Variants in SEMA3C observed in about 807,000 individuals in gnomAD.
SEMA3C encodes the protein semaphorin 3C, also known as semaphorin-3C.
SEMA3C carries 47 observed loss-of-function variants against 89.4 expected under a neutral mutation model. The observed-to-expected ratio is 0.53, with a 90% confidence interval of 0.42 to 0.67. SEMA3C has a LOEUF of 0.67. Ranked by LOEUF, SEMA3C falls within the 30% of genes least tolerant of loss-of-function variation. SEMA3C has a pLI of 0.00. For missense variants in SEMA3C, 839 were observed against 929.1 expected (o/e 0.90, Z 1.26); for synonymous variants, 310 against 320.2 (o/e 0.97, Z 0.34).
At chr7:80,754,770 G>A (rs924578505) in intron 15 of SEMA3C, among the ~76,000 whole-genome samples, 1 of 151,252 alleles carries the variant, frequency 6.6e-6, no homozygotes, top group African/African-American at 2.4e-5. Flanking sequence ...CAAGATAGCT[G>A]TTTGTTGTTG....
chr7:80,817,402 T>C (rs1583906412), intron 5 of SEMA3C, among the ~76,000 whole-genome samples: 2 of 152,176 alleles, frequency 1.3e-5, no homozygotes, highest in African/African-American at 2.4e-5. Context: ...ATTTAAAAAC[T>C]GGACTTTCTA....
At chr7:80,815,994 G>C (rs1789598246) in intron 5 of SEMA3C, 1 of 152,088 alleles carries the variant, frequency 6.6e-6, no homozygotes, top group African/African-American at 2.4e-5. Context: ...TGATTCACTT[G>C]TATTGCTTTA....
chr7:80,805,688 G>A lies in SEMA3C; in HGVS notation c.609C>T (p.Thr203=). 1 of 1,611,230 alleles carries A rather than the reference G, an allele frequency of 6.2e-7. No homozygotes were observed. Among genetic ancestry groups the A allele is most frequent in the Non-Finnish European group, 8.5e-7 (1 of 1,178,216 alleles). Residue 203 remains threonine, a synonymous_variant, in exon 7 of 18, where the codon ACC becomes ACT. Transcript: ENST00000265361. The part of the protein sequence containing the change: ...GTDAAIFRSL[T]KRNAVRTDQH... Reference sequence around the variant, plus strand: ...GATCAGTTCTGACCGCATTCCTCTTGGTTAAACTTCGAAAAATAGCAGCAT... The same window carrying A: ...GATCAGTTCTGACCGCATTCCTCTTAGTTAAACTTCGAAAAATAGCAGCAT...
At chr7:80,787,116 A>T (rs1364784907) in intron 12 of SEMA3C, among the ~76,000 whole-genome samples, 2 of 152,128 alleles carry the variant, frequency 1.3e-5, no homozygotes, top group African/African-American at 2.4e-5. Context: ...CCATAAGGCC[A>T]GGCACAGAGG....
chr7:80,898,037 A>C (rs573214878), intron 2 of SEMA3C, among the ~76,000 whole-genome samples: 1 of 152,242 alleles, frequency 6.6e-6, no homozygotes, highest in South Asian at 2.1e-4. Flanking sequence ...TCAATTCCAG[A>C]TTCTTTTTTC....
At position 80,871,306 on chromosome 7, in the gene SEMA3C, T is replaced by C. The variant is rs1791052451; in HGVS notation, c.104-42561A>G. Among the ~76,000 whole-genome samples the C allele has an allele frequency of 2.0e-5, 3 of 152,212 alleles. 1 individual carries two copies. In the South Asian group the frequency reaches 6.2e-4, roughly 31 times the overall value. ...ACAAAATAATCTTTCTAATACACAA[T>C]TTTAATCCTGTTACTTCCTTGCCTA... On this transcript the variant is annotated intron_variant, in intron 2 of 17. Transcript: ENST00000265361.
intron 12 of SEMA3C, among the ~76,000 whole-genome samples, chr7:80,774,615 G>A (rs972776067): frequency 2.0e-5 from 3 of 151,952 alleles, no homozygotes; most frequent in Non-Finnish European, 4.4e-5. Context: ...TAAAGTATTG[G>A]AGTTGAAAGA....
At chr7:80,749,148 G>T (rs189090401) in intron 16 of SEMA3C, 120 bp from the exon 17 acceptor site, 5 of 1,034,330 alleles carry the variant, frequency 4.8e-6, no homozygotes, top group Non-Finnish European at 6.5e-6. Context: ...AACAACTATC[G>T]CAGCCAGCAA....
chr7:80,799,441 A>T (rs1485032461), intron 10 of SEMA3C, among the ~76,000 whole-genome samples: 1 of 152,060 alleles, frequency 6.6e-6, no homozygotes, highest in Admixed American at 6.5e-5. Context: ...AGCAAGATTA[A>T]AAAAAAGATT....
In SEMA3C at chr7:80,859,093, G is replaced by A. The variant is rs374524264; in HGVS notation, c.104-30348C>T. Among the ~76,000 whole-genome samples, 49 of 151,198 alleles carry A rather than the reference G, an allele frequency of 3.2e-4. No individual in the cohort carries two copies. The Middle Eastern group carries it at 0.014, about 42-fold the overall frequency. ...GGCATTCATCATACCTTAGTTCTTAGACCATAAATCCAAAAAAAAATAAAG... is the reference window on the plus strand; with the variant it reads ...GGCATTCATCATACCTTAGTTCTTAAACCATAAATCCAAAAAAAAATAAAG... On this transcript the variant is annotated intron_variant, in intron 2 of 17. Transcript: ENST00000265361.
At chr7:80,919,109 G>GCGGCGCGCGGCTCCGGCTGCCC (rs1177458198), upstream of SEMA3C, 14 of 984,804 alleles carry the variant, frequency 1.4e-5, no homozygotes, top group African/African-American at 1.7e-5. Flanking sequence ...TTACAGCGCC[G>GCGGCGCGCGGCTCCGGCTGCCC]CGGCGCGCGG....
chr7:80,894,595 T>A (rs1360650291), intron 2 of SEMA3C, among the ~76,000 whole-genome samples: 1 of 152,214 alleles, frequency 6.6e-6, no homozygotes, highest in Non-Finnish European at 1.5e-5. Flanking sequence ...CGACTGACTA[T>A]GACTACACAT....
At chr7:80,763,666 T>A (rs185311915) in intron 13 of SEMA3C, among the ~76,000 whole-genome samples, 91 of 152,338 alleles carry the variant, frequency 6.0e-4, no homozygotes, top group Non-Finnish European at 1.0e-3. Context: ...CATTTCCTGA[T>A]AATCAAAAGG....
In SEMA3C at chr7:80,748,899, T is replaced by A. The variant is rs752727055; in HGVS notation, c.1841A>T (p.Glu614Val). 1 of 1,610,466 alleles carries A rather than the reference T, an allele frequency of 6.2e-7. No homozygotes were observed. Among genetic ancestry groups the A allele is most frequent in the South Asian group, 1.1e-5 (1 of 90,418 alleles). Residue 614 changes from glutamate to valine, a missense_variant and splice_region_variant, in exon 17 of 18, where the codon GAG becomes GTG. Physicochemically the swap from Glu to Val is moderately radical, Grantham distance 121 (BLOSUM62 -2). Coordinates refer to ENST00000265361, the MANE Select transcript of SEMA3C (RefSeq NM_006379.5). Reference protein sequence around the residue: ...LLQKDKDRRKEVKLNERIIAT... With the variant: ...LLQKDKDRRKVVKLNERIIAT... ...TTGCTGCTGTGCTGCTTTACTCACC[T>A]CTTTCCTCCTGTCTTTGTCTTTCTG...
intron 2 of SEMA3C, among the ~76,000 whole-genome samples, chr7:80,880,780 C>T (rs890888010): frequency 1.3e-5 from 2 of 152,014 alleles, no homozygotes; most frequent in African/African-American, 4.8e-5. Flanking sequence ...CAAAAATTAG[C>T]CGGGCGTGCT....
chr7:80,893,499 C>A (rs1482136180), intron 2 of SEMA3C, among the ~76,000 whole-genome samples: 1 of 152,036 alleles, frequency 6.6e-6, no homozygotes, highest in Non-Finnish European at 1.5e-5. Flanking sequence ...CTAATAATAT[C>A]ATCTGTTATA....
chr7:80,914,532 T>C lies in SEMA3C; in HGVS notation c.103+2147A>G, dbSNP rs1055781098. On this transcript the variant is annotated intron_variant, in intron 2 of 17. Coordinates refer to ENST00000265361, the MANE Select transcript of SEMA3C (RefSeq NM_006379.5). ...TTCATTGTAGGAATGTTTAAAATTA[T>C]TGAGTTACCAATCGTGCAATTTTAT... is the stretch of plus-strand genomic sequence containing the variant. Among the ~76,000 whole-genome samples, 36 of 152,284 alleles carry C rather than the reference T, an allele frequency of 2.4e-4. 1 individual carries two copies. The highest frequency in any genetic ancestry group is 2.4e-3 in the Admixed American group (36 of 15,294).
intron 12 of SEMA3C, among the ~76,000 whole-genome samples, chr7:80,779,194 C>T (rs1788633867): frequency 6.6e-6 from 1 of 152,170 alleles, no homozygotes; most frequent in Admixed American, 6.5e-5. Context: ...TTTAATGTCT[C>T]AAAGCCTCAG....
intron 2 of SEMA3C, among the ~76,000 whole-genome samples, chr7:80,840,547 CGA>C (rs138991595): frequency 7.1e-6 from 1 of 140,966 alleles, no homozygotes; most frequent in South Asian, 2.3e-4. Context: ...AAAAAAAGAG[CGA>C]GAGAGAGAGA....
Sources: gnomAD v4.1 joint callset for allele counts (sites outside exome capture counted in the v4.1 genomes callset) on GRCh38, gnomAD v4.1.1 for gene constraint, MANE v1.5 for transcripts, NCBI Gene and HGNC (gene_info 2026-07-23, HGNC 2026-07-21) for gene names.